Variants in AKAP13 observed in about 807,000 individuals in gnomAD.
AKAP13 encodes the protein A-kinase anchoring protein 13, also known as A-kinase anchor protein 13.
A neutral mutation model predicts 264.5 loss-of-function variants in AKAP13; 80 were observed. The observed-to-expected ratio is 0.30, with a 90% CI of 0.25 to 0.36. The LOEUF (loss-of-function observed/expected upper bound fraction) is 0.36. Ranked by LOEUF, AKAP13 falls within the 10% of genes least tolerant of loss-of-function variation. AKAP13 has a pLI of 1.00. For missense variants in AKAP13, 3,712 were observed against 3,435.2 expected (o/e 1.08, Z -2.01); for synonymous variants, 1,380 against 1,250.2 (o/e 1.10, Z -2.19).
chr15:85,549,192 G>T (rs1181005053), intron 5 of AKAP13, among the ~76,000 whole-genome samples: 2 of 152,110 alleles, frequency 1.3e-5, no homozygotes, highest in Non-Finnish European at 2.9e-5. Context: ...ATTCCCTAGT[G>T]TAATAGATAC....
intron 2 of AKAP13, among the ~76,000 whole-genome samples, chr15:85,517,317 C>T (rs1219192438): frequency 1.3e-5 from 2 of 151,952 alleles, no homozygotes; most frequent in Non-Finnish European, 2.9e-5. Flanking sequence ...TGACTCTTCC[C>T]ATCCCCCAAA....
intron 8 of AKAP13, among the ~76,000 whole-genome samples, chr15:85,636,027 T>C (rs1045221891): frequency 1.3e-5 from 2 of 152,198 alleles, no homozygotes; most frequent in Admixed American, 1.3e-4. Flanking sequence ...TTAACAACTG[T>C]ATTGAGTCTT....
intron 8 of AKAP13, among the ~76,000 whole-genome samples, chr15:85,599,839 C>A (rs1360579498): frequency 6.6e-6 from 1 of 152,082 alleles, no homozygotes; most frequent in East Asian, 1.9e-4. Context: ...CATTCAAGAC[C>A]AGCCTAGGCA....
chr15:85,736,277 C>T, intron 33 of AKAP13, 143 bp downstream of exon 33: 1 of 662,314 alleles, frequency 1.5e-6, no homozygotes, highest in South Asian at 2.0e-5. Context: ...GTAAACAATA[C>T]AGTTGTCAGT....
chr15:85,527,416 TA>T (rs1457922807), intron 3 of AKAP13, among the ~76,000 whole-genome samples: 2 of 152,192 alleles, frequency 1.3e-5, no homozygotes, highest in African/African-American at 4.8e-5. Context: ...CAGTGATATA[TA>T]AAACACAGTT....
chr15:85,620,037 T>C, intron 8 of AKAP13: 2 of 1,535,030 alleles, frequency 1.3e-6, no homozygotes, highest in Non-Finnish European at 1.7e-6. Context: ...GGTCCCCAAG[T>C]TAACAGTGGA....
intron 19 of AKAP13, among the ~76,000 whole-genome samples, chr15:85,711,592 G>C (rs938970366): frequency 6.6e-6 from 1 of 152,090 alleles, no homozygotes; most frequent in African/African-American, 2.4e-5. Context: ...TCTTTCATAA[G>C]CATATTTCAC....
intron 1 of AKAP13, among the ~76,000 whole-genome samples, chr15:85,408,082 A>C (rs1365873349): frequency 6.6e-6 from 1 of 151,694 alleles, no homozygotes; most frequent in Non-Finnish European, 1.5e-5. Context: ...TGGGTGAATG[A>C]GAGTGCACTG....
In AKAP13 at chr15:85,675,528, A is replaced by G. The variant is rs564440418; in HGVS notation, c.5101+5698A>G. ...CTATCCAGTAAATATTTGAGTACCT[A>G]CTCTTTTCCGTACACCAGGCTAGAC... On this transcript the variant is annotated intron_variant, in intron 14 of 36. Coordinates refer to ENST00000394518, the MANE Select transcript of AKAP13 (RefSeq NM_007200.5). Among the ~76,000 whole-genome samples the G allele has an allele frequency of 1.1e-4, 16 of 152,110 alleles. No homozygotes were observed. The South Asian group carries it at 3.3e-3, about 32-fold the overall frequency.
At chr15:85,557,533 G>C (rs1335796511) in intron 5 of AKAP13, among the ~76,000 whole-genome samples, 1 of 152,104 alleles carries the variant, frequency 6.6e-6, no homozygotes, top group Non-Finnish European at 1.5e-5. Context: ...GCCCAGGTTG[G>C]AGTGCAGTGG....
At chr15:85,562,118 G>A (rs1221049752) in intron 5 of AKAP13, among the ~76,000 whole-genome samples, 2 of 152,102 alleles carry the variant, frequency 1.3e-5, no homozygotes, top group Non-Finnish European at 1.5e-5. Context: ...GAATGATTAC[G>A]AGAGTAAATG....
intron 1 of AKAP13, among the ~76,000 whole-genome samples, chr15:85,399,527 A>AAAAAAAAAAAAAAAATAAAT (rs1567038675): frequency 1.7e-5 from 2 of 114,740 alleles, no homozygotes; most frequent in Non-Finnish European, 3.6e-5. Flanking sequence ...AAAAAATAAA[A>AAAAAAAAAAAAAAAATAAAT]AAATAAAAAA....
chr15:85,657,468 G>A (rs11631015), intron 11 of AKAP13, among the ~76,000 whole-genome samples: 76,171 of 151,878 alleles, frequency 0.5, 20,125 homozygotes, highest in Middle Eastern at 0.64. Flanking sequence ...TCCATGAGTC[G>A]AGTGGTATTA....
intron 17 of AKAP13, among the ~76,000 whole-genome samples, chr15:85,698,378 T>C (rs951125698): frequency 4.0e-5 from 6 of 149,520 alleles, no homozygotes; most frequent in Admixed American, 1.3e-4. Context: ...GGCAGGAGAA[T>C]TGCTTGAACT....
At position 85,581,686 on chromosome 15, in the gene AKAP13, T is replaced by C; in HGVS notation, c.3618T>C (p.Asp1206=). Reference sequence around the variant, plus strand: ...ACATGGAGCTCTCAGCCCATGATGATGGGGCCCCAGCTGGTGTGAGGGAAG... The same window carrying C: ...ACATGGAGCTCTCAGCCCATGATGACGGGGCCCCAGCTGGTGTGAGGGAAG... ...PTDMELSAHD[D]GAPAGVREVM... is the part of the protein sequence containing the mutation. The change falls in exon 7 of 37, where the codon GAT becomes GAC. Residue 1206 remains aspartate, a synonymous_variant. Transcript: ENST00000394518. 1.2e-6 allele frequency: 2 copies of C among 1,614,106 alleles called. No individual in the cohort carries two copies. The highest frequency in any genetic ancestry group is 1.7e-6 in the Non-Finnish European group (2 of 1,180,020).
intron 1 of AKAP13, chr15:85,415,213 C>T (rs2150882303): frequency 3.3e-6 from 5 of 1,523,364 alleles, no homozygotes; most frequent in South Asian, 2.3e-5. Context: ...CACGCCAGCT[C>T]GCCCGCACCC....
intron 1 of AKAP13, among the ~76,000 whole-genome samples, chr15:85,422,614 CCAAAT>C (rs1409060885): frequency 6.6e-6 from 1 of 152,154 alleles, no homozygotes; most frequent in African/African-American, 2.4e-5. Context: ...CCAAACCAAA[CCAAAT>C]GAGGTGTTGC....
At chr15:85,599,495 T>C (rs866691981) in intron 8 of AKAP13, among the ~76,000 whole-genome samples, 18 of 152,314 alleles carry the variant, frequency 1.2e-4, no homozygotes, top group Middle Eastern at 3.4e-3. Flanking sequence ...TGACATTTGC[T>C]CCTGGGTGTC....
intron 1 of AKAP13, among the ~76,000 whole-genome samples, chr15:85,442,445 A>G (rs1596190910): frequency 7.7e-6 from 1 of 130,180 alleles, no homozygotes; most frequent in Non-Finnish European, 1.6e-5. Context: ...TATAATATAA[A>G]ATATACATAT....
Sources: gnomAD v4.1 joint callset for allele counts (sites outside exome capture counted in the v4.1 genomes callset) on GRCh38, gnomAD v4.1.1 for gene constraint, MANE v1.5 for transcripts, NCBI Gene and HGNC (gene_info 2026-07-23, HGNC 2026-07-21) for gene names.